The following GALNT18 variants were observed in gnomAD, a reference collection of about 807,000 sequenced individuals.
The protein encoded by GALNT18 is GalNAc-transferase 18.
A neutral mutation model predicts 69.5 loss-of-function variants in GALNT18; 44 were observed. The observed-to-expected ratio is 0.63, with a 90% CI of 0.50 to 0.81. The LOEUF (loss-of-function observed/expected upper bound fraction) is 0.81. Ranked by LOEUF, GALNT18 falls within the 40% of genes least tolerant of loss-of-function variation. The probability of loss-of-function intolerance (pLI) is 0.00; values close to 1 mark genes in which losing one functional copy is unlikely to be tolerated. For synonymous variants in GALNT18, 364 were observed against 318.2 expected, an observed-to-expected ratio of 1.14 and a Z score of -1.53; for missense variants, 715 against 810.0, an observed-to-expected ratio of 0.88 and a Z score of 1.42.
At chr11:11,609,646 G>A (rs1859847413) in intron 1 of GALNT18, among the ~76,000 whole-genome samples, 1 of 152,232 alleles carries the variant, frequency 6.6e-6, no homozygotes, top group Non-Finnish European at 1.5e-5. Context: ...ACTGAGGAGA[G>A]TGGGAACTTG....
intron 3 of GALNT18, among the ~76,000 whole-genome samples, chr11:11,406,973 C>T (rs887133284): frequency 1.3e-5 from 2 of 152,130 alleles, no homozygotes; most frequent in African/African-American, 2.4e-5. Context: ...GTGAGGGTCT[C>T]GGGGCCAGGT....
rs574699552 is a variant in GALNT18 at position 11,347,816 on chromosome 11, C to T, written c.1093-6812G>A. On this transcript the variant is annotated intron_variant, in intron 6 of 10. Coordinates refer to ENST00000227756, the MANE Select transcript of GALNT18 (RefSeq NM_198516.3). This position sits in a 1 kb window ranked among gnomAD's most constrained non-coding sequence, Gnocchi z 4.0. ...ATTATCTTTTTACGTGTAACTGTCT[C>T]GCCTAACTTGGCTGCAAAAGCAGAG... Among the ~76,000 whole-genome samples, 5 of 152,282 alleles carry T rather than the reference C, an allele frequency of 3.3e-5. No homozygotes were observed. The South Asian group carries it at 8.3e-4, about 25-fold the overall frequency.
intron 10 of GALNT18, among the ~76,000 whole-genome samples, chr11:11,281,048 A>G (rs911746512): frequency 6.6e-6 from 1 of 152,044 alleles, no homozygotes; most frequent in Non-Finnish European, 1.5e-5. Flanking sequence ...TCTTGAACAG[A>G]TCTGTGGCCA....
Position 11,377,035 on chromosome 11 carries a change from G to A in GALNT18, c.977+147C>T, listed in dbSNP as rs1853778558. 4.5e-6 allele frequency: 3 copies of A among 664,584 alleles called. No individual in the cohort carries two copies. The Admixed American group carries it at 8.2e-5, about 18-fold the overall frequency. 41.2% of individuals were successfully genotyped at this position (664,584 alleles called of 1,614,324 possible). A position where few individuals can be genotyped will look rare whatever the true frequency, so the allele number is the denominator to read the frequency against. On this transcript the variant is annotated intron_variant, in intron 5 of 10. Coordinates refer to ENST00000227756, the MANE Select transcript of GALNT18 (RefSeq NM_198516.3). This position sits in a 1 kb window ranked among gnomAD's most constrained non-coding sequence, Gnocchi z 4.6. ...ATCTTCAGAGCCTGTGGCAGTGACTGAAGATCAGACTGCAGTTCCTTTCGA... is the reference window on the plus strand; with the variant it reads ...ATCTTCAGAGCCTGTGGCAGTGACTAAAGATCAGACTGCAGTTCCTTTCGA...
At position 11,439,106 on chromosome 11, in the gene GALNT18, C is replaced by G. The variant is rs1164206804; in HGVS notation, c.429-6319G>C. Among the ~76,000 whole-genome samples the G allele has an allele frequency of 6.6e-6, 1 of 152,142 alleles. No individual in the cohort carries two copies. The highest frequency in any genetic ancestry group is 1.5e-5 in the Non-Finnish European group (1 of 68,026). On this transcript the variant is annotated intron_variant, in intron 2 of 10. Transcript: ENST00000227756. This position sits in a 1 kb window ranked among gnomAD's most constrained non-coding sequence, Gnocchi z 4.4. ...TTTAAAGAATGACCAGTGGCCCTGT[C>G]CAGCCACTGGACAATGGAGGGGTTG...
chr11:11,577,325 G>A (rs1269336711), intron 1 of GALNT18, among the ~76,000 whole-genome samples: 1 of 152,076 alleles, frequency 6.6e-6, no homozygotes, highest in Non-Finnish European at 1.5e-5. Context: ...ATTGCCCCAG[G>A]CCCCAGAATG....
intron 5 of GALNT18, among the ~76,000 whole-genome samples, chr11:11,376,752 C>T (rs975999717): frequency 3.3e-5 from 5 of 152,110 alleles, no homozygotes; most frequent in African/African-American, 1.2e-4. Context: ...ATCTTCTACT[C>T]GCCTTCAAAA....
intron 1 of GALNT18, among the ~76,000 whole-genome samples, chr11:11,514,737 G>C (rs932995692): frequency 4.6e-5 from 7 of 152,204 alleles, no homozygotes; most frequent in African/African-American, 1.4e-4. Context: ...GGTTACAGAA[G>C]AGGCTGATGG....
At position 11,602,810 on chromosome 11, in the gene GALNT18, G is replaced by T. The variant is rs1437199077; in HGVS notation, c.235+18549C>A. Among the ~76,000 whole-genome samples, 1 of 152,120 alleles carries T rather than the reference G, an allele frequency of 6.6e-6. No individual in the cohort carries two copies. Among genetic ancestry groups the T allele is most frequent in the African/African-American group, 2.4e-5 (1 of 41,406 alleles). ...AGAACAGCTGGCTCTATTGATCAGT[G>T]CTCTGTTTACTTCACTTTGACCATA... On this transcript the variant is annotated intron_variant, in intron 1 of 10. Transcript: ENST00000227756. The surrounding 1 kb of genome is among the most constrained non-coding windows in gnomAD (Gnocchi z 4.7).
Position 11,497,851 on chromosome 11 carries a change from G to C in GALNT18, c.236-48915C>G, listed in dbSNP as rs1211378470. 6.6e-6 allele frequency among the ~76,000 whole-genome samples: 1 copy of C among 151,496 alleles called. No individual in the cohort carries two copies. The highest frequency in any genetic ancestry group is 2.4e-5 in the African/African-American group (1 of 41,214). On this transcript the variant is annotated intron_variant, in intron 1 of 10. Transcript: ENST00000227756. This position sits in a 1 kb window ranked among gnomAD's most constrained non-coding sequence, Gnocchi z 4.2. ...GCTAATATTTTGGTGTAAGGCCAAG[G>C]CTTCTATTTGAGCTGTGTCTCCAGA...
At chr11:11,308,502 A>G (rs1396279303) in intron 9 of GALNT18, among the ~76,000 whole-genome samples, 2 of 152,034 alleles carry the variant, frequency 1.3e-5, no homozygotes, top group Non-Finnish European at 2.9e-5. Flanking sequence ...AACCCCCAGT[A>G]TCATTCCAGG....
rs74653149 is a variant in GALNT18, at chr11:11,473,245, G to T, written c.236-24309C>A. ...TACTGTCACTTATTTGACTTCTTCA[G>T]TGCAAAATACTTCAAGGCAAGAGCT... On this transcript the variant is annotated intron_variant, in intron 1 of 10. Coordinates refer to ENST00000227756, the MANE Select transcript of GALNT18 (RefSeq NM_198516.3). Among the ~76,000 whole-genome samples the T allele has an allele frequency of 8.8e-3, 1,335 of 152,288 alleles. 21 individuals carry two copies. Among genetic ancestry groups the T allele is most frequent in the African/African-American group, 0.03 (1,250 of 41,560 alleles).
chr11:11,540,233 C>T lies in GALNT18; in HGVS notation c.235+81126G>A, dbSNP rs1176760294. On this transcript the variant is annotated intron_variant, in intron 1 of 10. Coordinates refer to ENST00000227756, the MANE Select transcript of GALNT18 (RefSeq NM_198516.3). The surrounding 1 kb of genome is among the most constrained non-coding windows in gnomAD (Gnocchi z 4.6). Reference sequence around the variant, plus strand: ...TAGTCAGTTCTGTCTCCTTAGCAAGCTATCTTCTCAAGGGCTTAGAAGGCG... The same window carrying T: ...TAGTCAGTTCTGTCTCCTTAGCAAGTTATCTTCTCAAGGGCTTAGAAGGCG... Among the ~76,000 whole-genome samples the T allele has an allele frequency of 1.3e-5, 2 of 152,204 alleles. No homozygotes were observed. The highest frequency in any genetic ancestry group is 2.9e-5 in the Non-Finnish European group (2 of 68,036).
At chr11:11,456,650 G>A (rs1191108124) in intron 1 of GALNT18, among the ~76,000 whole-genome samples, 1 of 152,156 alleles carries the variant, frequency 6.6e-6, no homozygotes, top group Non-Finnish European at 1.5e-5. Flanking sequence ...ACAGTTGTTT[G>A]CCAAGTATAT....
At chr11:11,568,264 C>G (rs1456527081) in intron 1 of GALNT18, among the ~76,000 whole-genome samples, 1 of 152,060 alleles carries the variant, frequency 6.6e-6, no homozygotes, top group African/African-American at 2.4e-5. Flanking sequence ...TGTTATGCAG[C>G]CAGACTTCGC....
At chr11:11,528,434 G>T (rs1395270377) in intron 1 of GALNT18, among the ~76,000 whole-genome samples, 1 of 152,150 alleles carries the variant, frequency 6.6e-6, no homozygotes, top group Non-Finnish European at 1.5e-5. Context: ...GAGTTGTGAG[G>T]ACTGTGGCAA....
rs192045659 is a variant in GALNT18 at position 11,590,479 on chromosome 11, T to C, written c.235+30880A>G. Among the ~76,000 whole-genome samples the C allele has an allele frequency of 6.6e-6, 1 of 152,370 alleles. No homozygotes were observed. The highest frequency in any genetic ancestry group is 1.5e-5 in the Non-Finnish European group (1 of 68,038). On this transcript the variant is annotated intron_variant, in intron 1 of 10. Coordinates refer to ENST00000227756, the MANE Select transcript of GALNT18 (RefSeq NM_198516.3). The surrounding 1 kb of genome is among the most constrained non-coding windows in gnomAD (Gnocchi z 4.4). Reference sequence around the variant, plus strand: ...ACATTAAAATTAACTTTCCTTACTCTACCTATATTAGGCACCAACCAATCA... The same window carrying C: ...ACATTAAAATTAACTTTCCTTACTCCACCTATATTAGGCACCAACCAATCA...
intron 1 of GALNT18, among the ~76,000 whole-genome samples, chr11:11,464,763 T>C (rs1000931771): frequency 1.3e-5 from 2 of 152,254 alleles, no homozygotes; most frequent in Admixed American, 1.3e-4. Context: ...TTGGCTTCAC[T>C]ACTCACTAGC....
At chr11:11,400,608 AG>A (rs1457092670) in intron 3 of GALNT18, among the ~76,000 whole-genome samples, 1 of 152,296 alleles carries the variant, frequency 6.6e-6, no homozygotes, top group South Asian at 2.1e-4. Context: ...CAGCAGATCC[AG>A]TGTCTGGTGA....
Sources: gnomAD v4.1 joint callset for allele counts (sites outside exome capture counted in the v4.1 genomes callset) on GRCh38, gnomAD v4.1.1 for gene constraint, Gnocchi (gnomAD v3.1) non-coding constraint, MANE v1.5 for transcripts, NCBI Gene and HGNC (gene_info 2026-07-23, HGNC 2026-07-21) for gene names.